The following TMPO variants were observed in gnomAD, a reference collection of about 807,000 sequenced individuals.
TMPO encodes the protein LEM domain containing 4.
TMPO carries 22 observed loss-of-function variants against 45.4 expected under a neutral mutation model. That is an observed-to-expected ratio of 0.48 (90% CI 0.35 to 0.69). The LOEUF (loss-of-function observed/expected upper bound fraction) is 0.69. TMPO is among the 30% of genes least tolerant of loss of function. TMPO has a pLI of 0.01. For synonymous variants in TMPO, 241 were observed against 204.1 expected, an observed-to-expected ratio of 1.18 and a Z score of -1.54; for missense variants, 512 against 548.8, an observed-to-expected ratio of 0.93 and a Z score of 0.67.
Position 98,515,867 on chromosome 12 carries a change from G to A in TMPO, c.-1G>A. On this transcript the variant is annotated 5_prime_UTR_variant, in exon 1 of 9. Coordinates refer to ENST00000556029, the MANE Select transcript of TMPO (RefSeq NM_001032283.3). ...GGGAGGGGGCTTCGCAGATCCCCGA[G>A]ATGCCGGAGTTCCTGGAAGACCCCT... 6.2e-7 allele frequency: 1 copy of A among 1,612,710 alleles called. No individual in the cohort carries two copies. Among genetic ancestry groups the A allele is most frequent in the Non-Finnish European group, 8.5e-7 (1 of 1,179,356 alleles).
intron 3 of TMPO, among the ~76,000 whole-genome samples, chr12:98,535,880 T>C (rs1286346420): frequency 6.6e-6 from 1 of 152,156 alleles, no homozygotes; most frequent in African/African-American, 2.4e-5. Context: ...ACCTTATTCG[T>C]TTAACCGATT....
chr12:98,519,232 G>C (rs1283934805), intron 1 of TMPO, among the ~76,000 whole-genome samples: 1 of 151,920 alleles, frequency 6.6e-6, no homozygotes, highest in African/African-American at 2.4e-5. Context: ...GTTTTGTTCT[G>C]AGACGGAGTC....
chr12:98,537,596 G>A (rs374353871), intron 4 of TMPO, 24 bp downstream of exon 4: 41 of 1,553,964 alleles, frequency 2.6e-5, no homozygotes, highest in Non-Finnish European at 3.4e-5. Flanking sequence ...TATTACCACC[G>A]TGTACAGGTA....
intron 7 of TMPO, among the ~76,000 whole-genome samples, chr12:98,545,863 G>C (rs1878200937): frequency 6.6e-6 from 1 of 152,082 alleles, no homozygotes; most frequent in African/African-American, 2.4e-5. Context: ...CTCCTGAGTA[G>C]CTGGGATTAC....
At chr12:98,539,458 G>A (rs1877777919) in intron 4 of TMPO, among the ~76,000 whole-genome samples, 1 of 144,910 alleles carries the variant, frequency 6.9e-6, no homozygotes, top group African/African-American at 2.6e-5. Flanking sequence ...ACACCCTCCA[G>A]CTTTTTAAAT....
rs902009254 is a variant in TMPO at position 98,533,461 on chromosome 12, C to G, written c.565+1623C>G. 4 of 1,613,982 alleles carry G rather than the reference C, an allele frequency of 2.5e-6. No homozygotes were observed. The Admixed American group carries it at 6.7e-5, about 27-fold the overall frequency. On this transcript the variant is annotated intron_variant, in intron 3 of 8. Coordinates refer to ENST00000556029, the MANE Select transcript of TMPO (RefSeq NM_001032283.3). ...GCCTGGAACTTCTAACTCTATGCCCCCACTGGATGTAGAAAACATACAGAA... is the reference window on the plus strand; with the variant it reads ...GCCTGGAACTTCTAACTCTATGCCCGCACTGGATGTAGAAAACATACAGAA...
chr12:98,524,582 G>GA lies in TMPO; in HGVS notation c.280-3292dup, dbSNP rs36039336. ...AGTTAAGAGACTCCACCTTGAAAAA[G>GA]AAAAAAAAAAAAGAGTTAAGATTTT... On this transcript the variant is annotated intron_variant, in intron 1 of 8. Coordinates refer to ENST00000556029, the MANE Select transcript of TMPO (RefSeq NM_001032283.3). Among the ~76,000 whole-genome samples the GA allele has an allele frequency of 1.5e-3, 203 of 138,052 alleles. 1 individual carries two copies. The East Asian group carries it at 0.021, about 14-fold the overall frequency. 90.6% of individuals were successfully genotyped at this position (138,052 alleles called of 152,430 possible).
chr12:98,534,138 T>C lies in TMPO; in HGVS notation c.565+2300T>C, dbSNP rs573799737. The C allele has an allele frequency of 3.7e-6, 6 of 1,613,952 alleles. No homozygotes were observed. Among genetic ancestry groups the C allele is most frequent in the East Asian group, 2.2e-5 (1 of 44,890 alleles). Reference sequence around the variant, plus strand: ...GCAAAACATATGATGCAGCCTCATATATTTGTGAAGCTGCATTTGATGAAG... The same window carrying C: ...GCAAAACATATGATGCAGCCTCATACATTTGTGAAGCTGCATTTGATGAAG... On this transcript the variant is annotated intron_variant, in intron 3 of 8. Transcript: ENST00000556029.
At chr12:98,544,394 TA>T (rs1226248198) in intron 5 of TMPO, 45 bp downstream of exon 5, 2 of 1,613,014 alleles carry the variant, frequency 1.2e-6, no homozygotes, top group African/African-American at 2.7e-5. Flanking sequence ...TGTAGGGTTT[TA>T]GTATTATTTT....
chr12:98,529,962 A>G (rs1297532094), intron 2 of TMPO, among the ~76,000 whole-genome samples: 1 of 152,240 alleles, frequency 6.6e-6, no homozygotes, highest in African/African-American at 2.4e-5. Flanking sequence ...TTTAATGTAT[A>G]AGCTGCTTCC....
In TMPO at chr12:98,548,119, T is replaced by C. The variant is rs879127229; in HGVS notation, c.*261T>C. 1 of 360,218 alleles carries C rather than the reference T, an allele frequency of 2.8e-6. No homozygotes were observed. The highest frequency in any genetic ancestry group is 5.0e-6 in the Non-Finnish European group (1 of 200,854). 22.3% of individuals were successfully genotyped at this position (360,218 alleles called of 1,614,324 possible). The stretch of plus-strand genomic sequence containing the variant: ...GAACTTTTTGTAGGCTTTATTTTTT[T>C]AATGTGGGCATCTTATTTCATTTTT... On this transcript the variant is annotated 3_prime_UTR_variant, in exon 9 of 9. Transcript: ENST00000556029.
At chr12:98,536,149 A>G (rs776330212) in intron 3 of TMPO, among the ~76,000 whole-genome samples, 5 of 152,214 alleles carry the variant, frequency 3.3e-5, no homozygotes, top group Non-Finnish European at 5.9e-5. Context: ...TGTACTAACT[A>G]GTATTAACAC....
At chr12:98,527,726 C>G in intron 1 of TMPO, 160 bp from the exon 2 acceptor site, 2 of 715,400 alleles carry the variant, frequency 2.8e-6, no homozygotes, top group Non-Finnish European at 4.7e-6. Flanking sequence ...AGAAAGTGTT[C>G]TCCAATAATG....
chr12:98,538,970 G>C (rs1295937898), intron 4 of TMPO, among the ~76,000 whole-genome samples: 1 of 152,154 alleles, frequency 6.6e-6, no homozygotes, highest in East Asian at 2.0e-4. Context: ...GGAGGCCGAG[G>C]CGGGCGGATC....
intron 1 of TMPO, among the ~76,000 whole-genome samples, chr12:98,526,976 AAAG>A (rs1435327163): frequency 6.6e-6 from 1 of 152,124 alleles, no homozygotes; most frequent in Admixed American, 6.5e-5. Flanking sequence ...AAGAAAAAGA[AAAG>A]AAAATCATTT....
rs1878079340 is a variant in TMPO at position 98,544,139 on chromosome 12, C to G, written c.664-91C>G. 2.1e-6 allele frequency: 3 copies of G among 1,446,094 alleles called. No individual in the cohort carries two copies. In the South Asian group the frequency reaches 3.5e-5, roughly 17 times the overall value. 89.6% of individuals were successfully genotyped at this position (1,446,094 alleles called of 1,614,324 possible). A position where few individuals can be genotyped will look rare whatever the true frequency, so the allele number is the denominator to read the frequency against. On this transcript the variant is annotated intron_variant, in intron 4 of 8. Coordinates refer to ENST00000556029, the MANE Select transcript of TMPO (RefSeq NM_001032283.3). ...TGTAAATGCTGGCATTTGGAGACTT[C>G]TATTTCATGGCTTCTCAGTGTGCCA...
chr12:98,545,027 GA>G lies in TMPO; in HGVS notation c.958del (p.Arg320GlufsTer7). ...ATCACTGAATTCTCAGACATACCCAGAAGAGCACCAAAGAAACCATTGACAA... is the reference window on the plus strand; with the variant it reads ...ATCACTGAATTCTCAGACATACCCAGAGAGCACCAAAGAAACCATTGACAA... ...LPITEFSDIPRRAPKKPLTRA... is the reference protein window; with the variant it reads ...LPITEFSDIPXRAPKKPLTRA... On this transcript the variant is annotated frameshift_variant, in exon 7 of 9. Transcript: ENST00000556029. LOFTEE classifies it high-confidence loss of function. 1 of 1,613,264 alleles carries G rather than the reference GA, an allele frequency of 6.2e-7. No individual in the cohort carries two copies. Among genetic ancestry groups the G allele is most frequent in the Non-Finnish European group, 8.5e-7 (1 of 1,179,776 alleles).
At chr12:98,530,004 C>A (rs1476448395) in intron 2 of TMPO, among the ~76,000 whole-genome samples, 1 of 152,062 alleles carries the variant, frequency 6.6e-6, no homozygotes, top group African/African-American at 2.4e-5. Context: ...TATACAAGTA[C>A]CAACAGATAT....
intron 1 of TMPO, 22 bp downstream of exon 1, chr12:98,516,168 T>A: frequency 7.4e-7 from 1 of 1,348,194 alleles, no homozygotes; most frequent in Non-Finnish European, 9.5e-7. Context: ...GGGCCGGGGC[T>A]ACAAAGGCGG....
Sources: gnomAD v4.1 joint callset for allele counts (sites outside exome capture counted in the v4.1 genomes callset) on GRCh38, gnomAD v4.1.1 for gene constraint, MANE v1.5 for transcripts, NCBI Gene and HGNC (gene_info 2026-07-23, HGNC 2026-07-21) for gene names.